NRXN3: variants seen among roughly 807,000 people sequenced by gnomAD.
NRXN3 encodes neurexin 3.
A neutral mutation model predicts 137.6 loss-of-function variants in NRXN3; 32 were observed. That is an observed-to-expected ratio of 0.23 (90% CI 0.18 to 0.31). NRXN3 has a LOEUF of 0.31. Among genes scored for constraint, NRXN3 ranks in the 10% least tolerant of loss-of-function variants. The pLI is 1.00. For missense variants in NRXN3, 1,574 were observed against 2,062.5 expected, an observed-to-expected ratio of 0.76 and a Z score of 4.59; for synonymous variants, 798 against 784.5, an observed-to-expected ratio of 1.02 and a Z score of -0.29.
chr14:79,132,448 ATTTTGATCACAT>A (rs532077815), intron 15 of NRXN3, among the ~76,000 whole-genome samples: 17 of 152,324 alleles, frequency 1.1e-4, no homozygotes, highest in African/African-American at 3.8e-4. Context: ...ACAATTTTAA[ATTTTGATCACAT>A]TTTGAAGTAA....
intron 15 of NRXN3, among the ~76,000 whole-genome samples, chr14:79,428,329 A>C (rs59501281): frequency 7.4e-4 from 59 of 80,164 alleles, no homozygotes; most frequent in East Asian, 7.3e-3. Flanking sequence ...TCTTTCTTTT[A>C]TTTTATTTTT....
intron 8 of NRXN3, among the ~76,000 whole-genome samples, chr14:78,759,995 A>G (rs561197946): frequency 6.8e-6 from 1 of 147,846 alleles, no homozygotes; most frequent in South Asian, 2.2e-4. Context: ...AAAATCACAT[A>G]GTCTGTTCAA....
chr14:79,629,797 TTG>T (rs1235113780), intron 16 of NRXN3, among the ~76,000 whole-genome samples: 1 of 150,384 alleles, frequency 6.6e-6, no homozygotes, highest in East Asian at 1.9e-4. Flanking sequence ...CAGATATGTT[TTG>T]TGTGTGTGTA....
chr14:79,186,958 C>G (rs75293829), intron 15 of NRXN3, among the ~76,000 whole-genome samples: 1,655 of 152,276 alleles, frequency 0.011, 26 homozygotes, highest in African/African-American at 0.038. Context: ...CCTAATAGCT[C>G]TGAGCATTTG....
rs577147611 is a variant in NRXN3 at position 78,250,823 on chromosome 14, G to A, written c.709+7021G>A. On this transcript the variant is annotated intron_variant, in intron 2 of 20. Coordinates refer to ENST00000335750, the MANE Select transcript of NRXN3 (RefSeq NM_001330195.2). ...TGGGCTCCCTCAATAAACTCAAATG[G>A]CCTGTGTCTCTGTCGTGAGATGGAG... 6.6e-5 allele frequency among the ~76,000 whole-genome samples: 10 copies of A among 152,280 alleles called. 1 individual carries two copies. In the South Asian group the frequency reaches 2.1e-3, roughly 32 times the overall value.
chr14:79,251,034 G>A (rs2075850013), intron 15 of NRXN3, among the ~76,000 whole-genome samples: 1 of 152,182 alleles, frequency 6.6e-6, no homozygotes, highest in Non-Finnish European at 1.5e-5. Flanking sequence ...GAGTATGAGG[G>A]ATGGGTTAGA....
chr14:79,388,520 C>T (rs910244140), intron 15 of NRXN3, among the ~76,000 whole-genome samples: 1 of 152,078 alleles, frequency 6.6e-6, no homozygotes, highest in Admixed American at 6.6e-5. Flanking sequence ...GAACCCAAGA[C>T]AGTTCTTTCA....
intron 15 of NRXN3, among the ~76,000 whole-genome samples, chr14:79,188,008 G>C (rs2063744879): frequency 6.6e-6 from 1 of 151,460 alleles, no homozygotes; most frequent in Admixed American, 6.6e-5. Flanking sequence ...GGTTTTGTTT[G>C]CCTTTACATT....
intron 16 of NRXN3, among the ~76,000 whole-genome samples, chr14:79,633,713 A>G (rs767183774): frequency 6.6e-5 from 10 of 152,212 alleles, no homozygotes; most frequent in Admixed American, 1.3e-4. Flanking sequence ...CTCTTTTGAG[A>G]TGAGAGAAAC....
At chr14:79,328,048 T>A (rs2091153193) in intron 15 of NRXN3, among the ~76,000 whole-genome samples, 1 of 152,144 alleles carries the variant, frequency 6.6e-6, no homozygotes, top group African/African-American at 2.4e-5. Context: ...TGGTACAGGG[T>A]CCTGTGTGAC....
At position 78,952,597 on chromosome 14, in the gene NRXN3, G is replaced by A. The variant is rs116823793; in HGVS notation, c.2276-4645G>A. Among the ~76,000 whole-genome samples the A allele has an allele frequency of 5.5e-3, 841 of 152,116 alleles. 10 individuals carry two copies. Among genetic ancestry groups the A allele is most frequent in the African/African-American group, 0.019 (788 of 41,500 alleles). ...AAGTTTTCTTTTTTGACATATCTTTGGTTTCCTTCAAATCTAACACAGTCC... is the reference window on the plus strand; with the variant it reads ...AAGTTTTCTTTTTTGACATATCTTTAGTTTCCTTCAAATCTAACACAGTCC... On this transcript the variant is annotated intron_variant, in intron 10 of 20. Coordinates refer to ENST00000335750, the MANE Select transcript of NRXN3 (RefSeq NM_001330195.2).
chr14:79,760,649 C>T (rs907951443), intron 19 of NRXN3: 2 of 151,508 alleles, frequency 1.3e-5, no homozygotes, highest in Non-Finnish European at 1.5e-5. Flanking sequence ...GAGCCTTACC[C>T]GGGATGAATT....
At position 78,761,325 on chromosome 14, in the gene NRXN3, C is replaced by A. The variant is rs555010177; in HGVS notation, c.2045-42295C>A. Among the ~76,000 whole-genome samples the A allele has an allele frequency of 1.4e-4, 21 of 152,152 alleles. No homozygotes were observed. The East Asian group carries it at 3.5e-3, about 25-fold the overall frequency. On this transcript the variant is annotated intron_variant, in intron 8 of 20. Coordinates refer to ENST00000335750, the MANE Select transcript of NRXN3 (RefSeq NM_001330195.2). The stretch of plus-strand genomic sequence containing the variant: ...TAATATCAGCTGTTGCTGATAAAGT[C>A]AAGATTAATGATTCCTTGGCTACCA...
chr14:79,384,231 A>G (rs1207260192), intron 15 of NRXN3, among the ~76,000 whole-genome samples: 2 of 152,098 alleles, frequency 1.3e-5, no homozygotes, highest in African/African-American at 2.4e-5. Flanking sequence ...GTTTCTGTCC[A>G]CTGTGTGGGT....
intron 15 of NRXN3, chr14:79,279,476 C>T: frequency 3.0e-6 from 3 of 986,204 alleles, no homozygotes; most frequent in Non-Finnish European, 3.6e-6. Flanking sequence ...TCCTCTTGCG[C>T]TCTCGCTGAT....
At chr14:79,483,903 T>A (rs1030485614) in intron 16 of NRXN3, among the ~76,000 whole-genome samples, 1 of 152,248 alleles carries the variant, frequency 6.6e-6, no homozygotes, top group African/African-American at 2.4e-5. Context: ...TTGCTAAAAT[T>A]TGAAAACACA....
chr14:78,892,255 G>A (rs146054366), intron 10 of NRXN3, among the ~76,000 whole-genome samples: 155 of 152,114 alleles, frequency 1.0e-3, no homozygotes, highest in Middle Eastern at 6.8e-3. Context: ...TTACTTTCAC[G>A]TGGAGACATC....
chr14:79,562,323 C>G (rs1421682781), intron 16 of NRXN3, among the ~76,000 whole-genome samples: 2 of 152,116 alleles, frequency 1.3e-5, no homozygotes, highest in African/African-American at 2.4e-5. Context: ...TGTCATTTGT[C>G]TCTTAAATGC....
At chr14:79,254,613 C>T (rs187910248) in intron 15 of NRXN3, among the ~76,000 whole-genome samples, 145 of 152,274 alleles carry the variant, frequency 9.5e-4, no homozygotes, top group Non-Finnish European at 1.9e-3. Context: ...AGGATGCTGT[C>T]TTACTGTTGG....
Sources: allele counts gnomAD v4.1 joint callset (sites outside exome capture counted in the v4.1 genomes callset), GRCh38; gene constraint gnomAD v4.1.1; transcripts MANE v1.5; gene names NCBI Gene and HGNC (gene_info 2026-07-23, HGNC 2026-07-21).